The following PRSS55 variants were observed in gnomAD, a reference collection of about 807,000 sequenced individuals.
PRSS55 encodes serine protease 55.
In PRSS55, 41 loss-of-function variants were observed where a neutral mutation model predicts 23.6. The ratio of observed to expected loss-of-function variants is 1.74; its 90% CI spans 1.35 to 2.26. The LOEUF (loss-of-function observed/expected upper bound fraction) is 2.26. Ranked by LOEUF, PRSS55 falls within the 30% of genes most tolerant of loss-of-function variation. The pLI, the probability that PRSS55 is intolerant of heterozygous loss-of-function variation, is 0.00. For synonymous variants in PRSS55, 262 were observed against 175.5 expected (o/e 1.49, Z -3.90); for missense variants, 669 against 439.1 (o/e 1.52, Z -4.68).
chr8:10,527,489 T>C (rs559716094), intron 1 of PRSS55, among the ~76,000 whole-genome samples: 3 of 152,270 alleles, frequency 2.0e-5, no homozygotes, highest in South Asian at 2.1e-4. Context: ...TGAAGAAATA[T>C]AAAGCAGGGT....
In PRSS55 at chr8:10,530,404, G is replaced by A. The variant is rs147074102; in HGVS notation, c.347+705G>A. 0.011 allele frequency among the ~76,000 whole-genome samples: 1,623 copies of A among 152,336 alleles called. 104 individuals are homozygous for A. The East Asian group carries it at 0.15, about 14-fold the overall frequency. On this transcript the variant is annotated intron_variant, in intron 2 of 4. Transcript: ENST00000328655. ...ACAGGAGAGTTGCTTGAACCCAGGA[G>A]GCAGATGTTGCAGTGAGCCAAGATC...
chr8:10,529,476 TTTTCC>T (rs1170570423), intron 1 of PRSS55, 26 bp from the exon 2 acceptor site: 1 of 1,608,944 alleles, frequency 6.2e-7, no homozygotes, highest in South Asian at 1.1e-5. Flanking sequence ...GTGTTTCCCC[TTTTCC>T]TTTCCACTCT....
At chr8:10,538,870 C>T (rs1812554238), downstream of PRSS55, 3 of 1,391,658 alleles carry the variant, frequency 2.2e-6, no homozygotes, top group Non-Finnish European at 2.9e-6. Flanking sequence ...CTGTCTGCAG[C>T]TCAGGGCTCA....
chr8:10,537,208 C>T (rs901109089), intron 4 of PRSS55, among the ~76,000 whole-genome samples: 4 of 152,082 alleles, frequency 2.6e-5, no homozygotes, highest in African/African-American at 7.2e-5. Flanking sequence ...TCACAATAGC[C>T]AAGATTTGGA....
intron 4 of PRSS55, among the ~76,000 whole-genome samples, chr8:10,551,156 G>A (rs1038180282): frequency 1.3e-5 from 2 of 152,166 alleles, no homozygotes; most frequent in Non-Finnish European, 2.9e-5. Context: ...AAAGCTGTCT[G>A]TGCTCAACAA....
chr8:10,538,996 G>T (rs981026634), downstream of PRSS55, among the ~76,000 whole-genome samples: 3 of 151,706 alleles, frequency 2.0e-5, no homozygotes, highest in South Asian at 2.1e-4. Context: ...CTAGGTGACA[G>T]TCACCTAATT....
chr8:10,544,538 T>A (rs1329402993), intron 4 of PRSS55, among the ~76,000 whole-genome samples: 2 of 152,232 alleles, frequency 1.3e-5, no homozygotes, highest in African/African-American at 4.8e-5. Flanking sequence ...TTGATTTACA[T>A]ATGCCATTTT....
At chr8:10,527,663 C>T (rs984328960) in intron 1 of PRSS55, among the ~76,000 whole-genome samples, 1 of 152,210 alleles carries the variant, frequency 6.6e-6, no homozygotes, top group South Asian at 2.1e-4. Context: ...GTGAGAGCAC[C>T]AGCTCTGTTG....
chr8:10,541,572 T>A (rs1184974836), downstream of PRSS55: 1 of 152,214 alleles, frequency 6.6e-6, no homozygotes, highest in African/African-American at 2.4e-5. Flanking sequence ...CAATTCCTTA[T>A]AATAAACAGC....
chr8:10,548,147 C>T (rs1272832351), intron 4 of PRSS55, among the ~76,000 whole-genome samples: 1 of 152,172 alleles, frequency 6.6e-6, no homozygotes. Flanking sequence ...GAACAGGCTT[C>T]CTTAGGGAGC....
At chr8:10,549,706 G>A (rs959755419) in intron 4 of PRSS55, among the ~76,000 whole-genome samples, 1 of 152,298 alleles carries the variant, frequency 6.6e-6, no homozygotes, top group Admixed American at 6.5e-5. Context: ...CCCCTTTTCA[G>A]CTGTGTCTCT....
intron 3 of PRSS55, chr8:10,531,757 A>G (rs566128646): frequency 3.3e-5 from 20 of 611,712 alleles, no homozygotes; most frequent in Non-Finnish European, 5.7e-5. Context: ...AGTCTGATCC[A>G]GCTAGCACAG....
intron 1 of PRSS55, among the ~76,000 whole-genome samples, chr8:10,528,891 T>G (rs996282497): frequency 2.6e-5 from 4 of 152,190 alleles, no homozygotes; most frequent in Non-Finnish European, 5.9e-5. Flanking sequence ...TGCCTTCATC[T>G]TCAAAGCCAG....
At chr8:10,547,731 C>CCCCCGCCCCGCCCCGCCCCG (rs1233841694) in intron 4 of PRSS55, 2 of 138,716 alleles carry the variant, frequency 1.4e-5, no homozygotes, top group African/African-American at 5.4e-5. Context: ...CTTCCCCCAC[C>CCCCCGCCCCGCCCCGCCCCG]CCCCGCCCCG....
At chr8:10,532,053 G>A (rs28690139) in intron 3 of PRSS55, among the ~76,000 whole-genome samples, 2 of 152,112 alleles carry the variant, frequency 1.3e-5, no homozygotes, top group Non-Finnish European at 2.9e-5. Flanking sequence ...CCGCTGGACT[G>A]TCCCCCAAAA....
intron 1 of PRSS55, among the ~76,000 whole-genome samples, chr8:10,526,253 C>T (rs760552378): frequency 7.2e-5 from 11 of 152,212 alleles, no homozygotes; most frequent in East Asian, 3.9e-4. Flanking sequence ...CCATGTTTAA[C>T]GCCCACACCA....
chr8:10,553,316 C>G (rs1310711604), intron 4 of PRSS55, among the ~76,000 whole-genome samples: 1 of 152,200 alleles, frequency 6.6e-6, no homozygotes, highest in Non-Finnish European at 1.5e-5. Context: ...AATTAAACCT[C>G]TTTTTTTAAT....
intron 3 of PRSS55, 134 bp downstream of exon 3, chr8:10,531,679 A>T (rs1457160302): frequency 7.6e-7 from 1 of 1,314,600 alleles, no homozygotes; most frequent in African/African-American, 1.5e-5. Flanking sequence ...ACAGTGCCCA[A>T]AGTTTAGCTC....
rs1398124854 is a variant in PRSS55 at position 10,532,955 on chromosome 8, C to G, written c.648C>G (p.Ile216Met). Residue 216 changes from isoleucine to methionine, a missense_variant, in exon 4 of 5, where the codon ATC (isoleucine) becomes ATG (methionine). Transcript: ENST00000328655. ...ATCTGATGAAAGCGCCAATGGTCAT[C>G]ATGGACTGGGAGGAGTGTTCAAAGA... The part of the protein sequence containing the change: ...KTDLMKAPMV[I>M]MDWEECSKMF... 7.4e-6 allele frequency: 12 copies of G among 1,614,220 alleles called. No individual in the cohort carries two copies. The highest frequency in any genetic ancestry group is 1.7e-5 in the Admixed American group (1 of 60,034).
Sources: gnomAD v4.1 joint callset for allele counts (sites outside exome capture counted in the v4.1 genomes callset) on GRCh38, gnomAD v4.1.1 for gene constraint, MANE v1.5 for transcripts, NCBI Gene and HGNC (gene_info 2026-07-23, HGNC 2026-07-21) for gene names.